CTNND2: variants seen among roughly 807,000 people sequenced by gnomAD.
CTNND2 encodes catenin delta-2.
A neutral mutation model predicts 144.4 loss-of-function variants in CTNND2; 22 were observed. The observed-to-expected ratio is 0.15, with a 90% CI of 0.11 to 0.22. The LOEUF (loss-of-function observed/expected upper bound fraction) is 0.22, where lower values mean the gene tolerates loss of function less well. Ranked by LOEUF, CTNND2 falls within the 10% of genes least tolerant of loss-of-function variation. The pLI, the probability that CTNND2 is intolerant of heterozygous loss-of-function variation, is 1.00. For missense variants in CTNND2, 1,353 were observed against 1,618.8 expected, an observed-to-expected ratio of 0.84 and a Z score of 2.82; for synonymous variants, 751 against 695.6, an observed-to-expected ratio of 1.08 and a Z score of -1.25.
intron 10 of CTNND2, among the ~76,000 whole-genome samples, chr5:11,215,574 A>G (rs1301878301): frequency 6.6e-6 from 1 of 152,244 alleles, no homozygotes; most frequent in East Asian, 1.9e-4. Context: ...ACTTGGGTTA[A>G]ATAGTAAAGA....
At chr5:11,769,494 T>C (rs930464388) in intron 1 of CTNND2, among the ~76,000 whole-genome samples, 1 of 152,232 alleles carries the variant, frequency 6.6e-6, no homozygotes, top group Non-Finnish European at 1.5e-5. Flanking sequence ...ATATTATACA[T>C]GCATATAAAG....
intron 2 of CTNND2, among the ~76,000 whole-genome samples, chr5:11,618,571 T>C (rs1780686800): frequency 6.6e-6 from 1 of 152,222 alleles, no homozygotes; most frequent in Admixed American, 6.5e-5. Context: ...CTTATAGATT[T>C]TGGAGTCAAA....
intron 3 of CTNND2, among the ~76,000 whole-genome samples, chr5:11,427,299 A>G (rs1421057943): frequency 7.5e-6 from 1 of 133,542 alleles, no homozygotes. Flanking sequence ...TTTTTTTGAG[A>G]CAGAGTCTCA....
chr5:11,574,776 T>A (rs1264793379), intron 2 of CTNND2, among the ~76,000 whole-genome samples: 1 of 152,138 alleles, frequency 6.6e-6, no homozygotes, highest in Admixed American at 6.5e-5. Flanking sequence ...CACCAACATC[T>A]TTGCCTATAC....
At chr5:11,035,818 T>A (rs561423827) in intron 16 of CTNND2, among the ~76,000 whole-genome samples, 1 of 151,344 alleles carries the variant, frequency 6.6e-6, no homozygotes, top group Non-Finnish European at 1.5e-5. Context: ...GTGAACCTTA[T>A]TTGTCTTGGT....
chr5:11,835,932 C>G (rs1192564041), intron 1 of CTNND2, among the ~76,000 whole-genome samples: 1 of 152,052 alleles, frequency 6.6e-6, no homozygotes, highest in South Asian at 2.1e-4. Context: ...GACCTGTCCC[C>G]TTTTTTAATG....
chr5:11,786,507 C>T (rs1411913591), intron 1 of CTNND2, among the ~76,000 whole-genome samples: 1 of 152,148 alleles, frequency 6.6e-6, no homozygotes, highest in Non-Finnish European at 1.5e-5. Flanking sequence ...AAATTAATTG[C>T]TACTGATAAT....
At chr5:11,598,887 A>T (rs1343503208) in intron 2 of CTNND2, among the ~76,000 whole-genome samples, 4 of 150,900 alleles carry the variant, frequency 2.7e-5, no homozygotes, top group East Asian at 2.2e-4. Context: ...GTAATCTATT[A>T]AAAAAAAGAT....
At chr5:11,570,473 C>T (rs1440438223) in intron 2 of CTNND2, among the ~76,000 whole-genome samples, 2 of 152,098 alleles carry the variant, frequency 1.3e-5, no homozygotes, top group African/African-American at 4.8e-5. Flanking sequence ...TGTTTTTATT[C>T]TACTCTCACA....
intron 8 of CTNND2, among the ~76,000 whole-genome samples, chr5:11,362,783 G>C (rs1581017227): frequency 1.3e-5 from 2 of 152,180 alleles, no homozygotes; most frequent in Admixed American, 1.3e-4. Flanking sequence ...AAAAACACTT[G>C]TTCATTCTGG....
intron 1 of CTNND2, among the ~76,000 whole-genome samples, chr5:11,855,877 T>G (rs1309502266): frequency 6.6e-6 from 1 of 152,210 alleles, no homozygotes; most frequent in Non-Finnish European, 1.5e-5. Flanking sequence ...ACCACTGCCC[T>G]AAGCCATCAA....
intron 9 of CTNND2, among the ~76,000 whole-genome samples, chr5:11,342,443 T>C (rs1173356946): frequency 6.6e-6 from 1 of 152,228 alleles, no homozygotes; most frequent in African/African-American, 2.4e-5. Flanking sequence ...AATGTGCCAT[T>C]GTATGTATTC....
intron 6 of CTNND2, 38 bp from the exon 7 acceptor site, chr5:11,385,267 A>G: frequency 9.5e-7 from 1 of 1,052,154 alleles, no homozygotes; most frequent in South Asian, 4.4e-5. Context: ...GCACTTAGCG[A>G]GGGAGAAGCA....
chr5:11,013,486 T>TAG (rs1343305088), intron 18 of CTNND2, among the ~76,000 whole-genome samples: 2 of 152,220 alleles, frequency 1.3e-5, no homozygotes, highest in Non-Finnish European at 2.9e-5. Flanking sequence ...CTACACATTT[T>TAG]AGACCTAGAA....
chr5:11,871,462 C>A (rs1215568524), intron 1 of CTNND2, among the ~76,000 whole-genome samples: 1 of 152,070 alleles, frequency 6.6e-6, no homozygotes, highest in Admixed American at 6.5e-5. Flanking sequence ...TAAAAAAGTG[C>A]TACATATGTA....
intron 11 of CTNND2, among the ~76,000 whole-genome samples, chr5:11,175,069 C>G (rs969176222): frequency 6.6e-6 from 1 of 151,954 alleles, no homozygotes; most frequent in Non-Finnish European, 1.5e-5. Flanking sequence ...GTTGTGATAC[C>G]AAAACTTTGG....
chr5:11,386,326 G>A (rs1759088244), intron 6 of CTNND2, among the ~76,000 whole-genome samples: 1 of 152,138 alleles, frequency 6.6e-6, no homozygotes, highest in Non-Finnish European at 1.5e-5. Context: ...TGGGTGGGGA[G>A]GAGGACTCCA....
chr5:11,045,277 T>C (rs1049662772), intron 16 of CTNND2, among the ~76,000 whole-genome samples: 1 of 152,148 alleles, frequency 6.6e-6, no homozygotes, highest in Non-Finnish European at 1.5e-5. Context: ...GCATCTGCTT[T>C]TGGTAAGGGC....
intron 16 of CTNND2, among the ~76,000 whole-genome samples, chr5:11,061,623 C>A (rs78600358): frequency 1.3e-5 from 2 of 152,090 alleles, no homozygotes; most frequent in Admixed American, 6.5e-5. Flanking sequence ...TTCCTGACCA[C>A]CCCATTCAAC....
Sources: gnomAD v4.1 joint callset for allele counts (sites outside exome capture counted in the v4.1 genomes callset) on GRCh38, gnomAD v4.1.1 for gene constraint, MANE v1.5 for transcripts, NCBI Gene and HGNC (gene_info 2026-07-23, HGNC 2026-07-21) for gene names.